GIT1: variants seen among roughly 807,000 people sequenced by gnomAD.
The protein encoded by GIT1 is GIT ArfGAP 1, also known as ARF GTPase-activating protein GIT1.
A neutral mutation model predicts 91.7 loss-of-function variants in GIT1; 14 were observed. That is an observed-to-expected ratio of 0.15 (90% CI 0.10 to 0.24). The LOEUF (loss-of-function observed/expected upper bound fraction) is 0.24, where lower values mean the gene tolerates loss of function less well. Ranked by LOEUF, GIT1 falls within the 10% of genes least tolerant of loss-of-function variation. The pLI, the probability that GIT1 is intolerant of heterozygous loss-of-function variation, is 1.00. For missense variants in GIT1, 717 were observed against 1,024.9 expected, an observed-to-expected ratio of 0.70 and a Z score of 4.10; for synonymous variants, 414 against 418.2, an observed-to-expected ratio of 0.99 and a Z score of 0.12.
Position 29,576,904 on chromosome 17 carries a change from G to C in GIT1, c.1186C>G (p.Pro396Ala), listed in dbSNP as rs767530609. The C allele has an allele frequency of 1.9e-6, 3 of 1,578,732 alleles. No homozygotes were observed. In the South Asian group the frequency reaches 3.4e-5, roughly 18 times the overall value. Residue 396 changes from proline (P) to alanine (A), a missense_variant, in exon 12 of 20, where the codon CCC (proline) becomes GCC (alanine). Transcript: ENST00000225394. Reference protein sequence around the residue: ...VASDEDTDQEPLRSTGATRSN... With the variant: ...VASDEDTDQEALRSTGATRSN... ...CGAGTGGCGCCGGTGCTGCGCAGGG[G>C]CTCCTGGTCTGTGTCCTCGTCAGAG...
In GIT1 at chr17:29,574,284, G is replaced by A. The variant is rs1354962056; in HGVS notation, c.*418C>T. On this transcript the variant is annotated 3_prime_UTR_variant, in exon 20 of 20. Transcript: ENST00000225394. ...GACATCCATGGAGACTATGTACAAA[G>A]GAGGGGATGCCCCCGCTCAGCCCCC... 2 of 229,534 alleles carry A rather than the reference G, an allele frequency of 8.7e-6. No individual in the cohort carries two copies. The highest frequency in any genetic ancestry group is 1.7e-5 in the Non-Finnish European group (2 of 114,344). The allele number at this position is 229,534 out of a possible 1,614,324, so 14.2% of individuals were successfully genotyped here. A position where few individuals can be genotyped will look rare whatever the true frequency, so the allele number is the denominator to read the frequency against.
In GIT1 at chr17:29,575,882, G is replaced by C; in HGVS notation, c.1682C>G (p.Ser561Cys). 6.2e-7 allele frequency: 1 copy of C among 1,609,866 alleles called. No individual in the cohort carries two copies. ...AGLYRIRKGVSASAVPFTPSS... is the reference protein window; with the variant it reads ...AGLYRIRKGVCASAVPFTPSS... ...GGGAGTGAAGGGCACAGCTGAGGCAGACACCCCTTTCCGGATCTGAAACCC... is the reference window on the plus strand; with the variant it reads ...GGGAGTGAAGGGCACAGCTGAGGCACACACCCCTTTCCGGATCTGAAACCC... The change falls in exon 16 of 20, where the codon TCT (serine) becomes TGT (cysteine). Residue 561 changes from serine to cysteine, a missense_variant. Coordinates refer to ENST00000225394, the MANE Select transcript of GIT1 (RefSeq NM_014030.4). The surrounding 1 kb of genome is among the most constrained non-coding windows in gnomAD (Gnocchi z 5.5).
Position 29,581,501 on chromosome 17 carries a change from G to T in GIT1, c.719-121C>A. On this transcript the variant is annotated intron_variant, in intron 6 of 19. Transcript: ENST00000225394. The surrounding 1 kb of genome is among the most constrained non-coding windows in gnomAD (Gnocchi z 4.8). ...GAAGTGTCAGGGGAAAGTGGGGAGG[G>T]CAGGCCACCCCCAAGAATGCTGGGA... is the stretch of plus-strand genomic sequence containing the variant. The T allele has an allele frequency of 1.2e-6, 1 of 837,914 alleles. No individual in the cohort carries two copies. Among genetic ancestry groups the T allele is most frequent in the Non-Finnish European group, 2.0e-6 (1 of 494,280 alleles). 51.9% of individuals were successfully genotyped at this position (837,914 alleles called of 1,614,324 possible). A position where few individuals can be genotyped will look rare whatever the true frequency, so the allele number is the denominator to read the frequency against.
intron 1 of GIT1, among the ~76,000 whole-genome samples, chr17:29,585,251 G>A (rs1202099835): frequency 6.6e-6 from 1 of 152,138 alleles, no homozygotes; most frequent in Non-Finnish European, 1.5e-5. Flanking sequence ...CACTGGGTCA[G>A]GGGGCTGCCA....
chr17:29,584,959 CTTTTTTTTTTT>C (rs11419578), intron 1 of GIT1, among the ~76,000 whole-genome samples: 4 of 102,416 alleles, frequency 3.9e-5, no homozygotes, highest in African/African-American at 1.5e-4. Flanking sequence ...TGGGTTTAGG[CTTTTTTTTTTT>C]TTTTTTTTTT....
At position 29,582,563 on chromosome 17, in the gene GIT1, C is replaced by A. The variant is rs1475712876; in HGVS notation, c.405+135G>T. The A allele has an allele frequency of 6.1e-6, 4 of 654,708 alleles. No homozygotes were observed. The African/African-American group carries it at 7.2e-5, about 12-fold the overall frequency. 40.6% of individuals were successfully genotyped at this position (654,708 alleles called of 1,614,324 possible). ...GCCTGACCCAACAATCTGCTCTCTC[C>A]ACCCTGTCTACTGTTACCCTGACCT... On this transcript the variant is annotated intron_variant, in intron 4 of 19. Coordinates refer to ENST00000225394, the MANE Select transcript of GIT1 (RefSeq NM_014030.4).
chr17:29,581,660 C>A lies in GIT1; in HGVS notation c.718+82G>T. 9.3e-7 allele frequency: 1 copy of A among 1,076,920 alleles called. No individual in the cohort carries two copies. The highest frequency in any genetic ancestry group is 1.4e-6 in the Non-Finnish European group (1 of 712,758). 66.7% of individuals were successfully genotyped at this position (1,076,920 alleles called of 1,614,324 possible). On this transcript the variant is annotated intron_variant, in intron 6 of 19. Coordinates refer to ENST00000225394, the MANE Select transcript of GIT1 (RefSeq NM_014030.4). The surrounding 1 kb of genome is among the most constrained non-coding windows in gnomAD (Gnocchi z 4.8). ...CCCAGCCGCTCTGTCACCATGGCAC[C>A]TGCTGCCGGGTGCGTCCAGGTCCCA...
Position 29,576,150 on chromosome 17 carries a change from C to G in GIT1, c.1612-19G>C. On this transcript the variant is annotated intron_variant, in intron 14 of 19. Coordinates refer to ENST00000225394, the MANE Select transcript of GIT1 (RefSeq NM_014030.4). Reference sequence around the variant, plus strand: ...CTAGCTCCTGGGGATGTTAGCACAGCGAGCGTCATGGTGGACCCTGCGGCA... The same window carrying G: ...CTAGCTCCTGGGGATGTTAGCACAGGGAGCGTCATGGTGGACCCTGCGGCA... The G allele has an allele frequency of 6.2e-7, 1 of 1,613,336 alleles. No individual in the cohort carries two copies.
chr17:29,578,954 C>T (rs377199209), intron 7 of GIT1, 175 bp from the exon 8 acceptor site: 1 of 1,613,596 alleles, frequency 6.2e-7, no homozygotes, highest in Non-Finnish European at 8.5e-7. Flanking sequence ...CCGGCAGGCA[C>T]CATATACCTC....
rs1397234517 is a variant in GIT1, at chr17:29,588,813, G to A, written c.52+514C>T. On this transcript the variant is annotated intron_variant, in intron 1 of 19. Transcript: ENST00000225394. ...GAGTAGCCACCGCTCATCTGCTCCT[G>A]AGGAGACGGTATTCAGGCCCCACTG... is the stretch of plus-strand genomic sequence containing the variant. 2.0e-5 allele frequency among the ~76,000 whole-genome samples: 3 copies of A among 152,344 alleles called. No homozygotes were observed. In the East Asian group the frequency reaches 5.8e-4, roughly 29 times the overall value.
At chr17:29,579,722 C>T (rs2033333716) in intron 7 of GIT1, among the ~76,000 whole-genome samples, 1 of 150,238 alleles carries the variant, frequency 6.7e-6, no homozygotes, top group African/African-American at 2.4e-5. Flanking sequence ...GACCCCAACT[C>T]TTAAAAAAAA....
At position 29,576,981 on chromosome 17, in the gene GIT1, G is replaced by A; in HGVS notation, c.1109C>T (p.Ser370Phe). The change falls in exon 12 of 20, where the codon TCT (serine) becomes TTT (phenylalanine). Residue 370 changes from serine to phenylalanine, a missense_variant. Around this residue, in one of 3 missense-constraint regions of GIT1, gnomAD observed 312 missense variants for 349.5 expected, o/e 0.89. Coordinates refer to ENST00000225394, the MANE Select transcript of GIT1 (RefSeq NM_014030.4). ...GTCGAGGTCACTCTGGCTCCGCAGA[G>A]ACAGCTCGAGGTTGTCTGAGGACAC... ...LSSPTDNLELSLRSQSDLDDQ... is the reference protein window; with the variant it reads ...LSSPTDNLELFLRSQSDLDDQ... 6.2e-7 allele frequency: 1 copy of A among 1,602,972 alleles called. No individual in the cohort carries two copies. Among genetic ancestry groups the A allele is most frequent in the Non-Finnish European group, 8.5e-7 (1 of 1,179,680 alleles).
At chr17:29,578,673 G>C (rs1297317921) in intron 8 of GIT1, 58 bp downstream of exon 8, 1 of 1,421,368 alleles carries the variant, frequency 7.0e-7, no homozygotes, top group Non-Finnish European at 1.0e-6. Context: ...AGAGCAGAGG[G>C]TGGGGGATCA....
chr17:29,589,463 G>C lies in GIT1; in HGVS notation c.-85C>G. On this transcript the variant is annotated 5_prime_UTR_variant, in exon 1 of 20. Coordinates refer to ENST00000225394, the MANE Select transcript of GIT1 (RefSeq NM_014030.4). This position sits in a 1 kb window ranked among gnomAD's most constrained non-coding sequence, Gnocchi z 5.2. ...CCGGGCGGCGGCGGCGGCCCCTGCT[G>C]CCCGGCCCGGCTCCGGCGAGGCCCC... 1 of 435,038 alleles carries C rather than the reference G, an allele frequency of 2.3e-6. No homozygotes were observed. Among genetic ancestry groups the C allele is most frequent in the Non-Finnish European group, 3.0e-6 (1 of 329,254 alleles). 26.9% of individuals were successfully genotyped at this position (435,038 alleles called of 1,614,324 possible).
chr17:29,586,233 C>T (rs2150853696), intron 1 of GIT1, among the ~76,000 whole-genome samples: 1 of 152,310 alleles, frequency 6.6e-6, no homozygotes, highest in South Asian at 2.1e-4. Context: ...CATATGCGGC[C>T]CAGGCAGCTT....
In GIT1 at chr17:29,575,575, A is replaced by C. The variant is rs938309670; in HGVS notation, c.1826+55T>G. The C allele has an allele frequency of 8.2e-6, 13 of 1,582,204 alleles. No homozygotes were observed. Among genetic ancestry groups the C allele is most frequent in the African/African-American group, 1.3e-5 (1 of 74,288 alleles). ...GTCCTCACACACTGGGGGCCCTCTC[A>C]ACCTCCCCGCCTCGGCATGTGAGCA... is the stretch of plus-strand genomic sequence containing the variant. On this transcript the variant is annotated intron_variant, in intron 17 of 19. Transcript: ENST00000225394. The surrounding 1 kb of genome is among the most constrained non-coding windows in gnomAD (Gnocchi z 5.5).
Position 29,574,644 on chromosome 17 carries a change from G to T in GIT1, c.*58C>A. 3 of 1,345,086 alleles carry T rather than the reference G, an allele frequency of 2.2e-6. No individual in the cohort carries two copies. Among genetic ancestry groups the T allele is most frequent in the Non-Finnish European group, 3.2e-6 (3 of 939,528 alleles). 83.3% of individuals were successfully genotyped at this position (1,345,086 alleles called of 1,614,324 possible). A position where few individuals can be genotyped will look rare whatever the true frequency, so the allele number is the denominator to read the frequency against. On this transcript the variant is annotated 3_prime_UTR_variant, in exon 20 of 20. Coordinates refer to ENST00000225394, the MANE Select transcript of GIT1 (RefSeq NM_014030.4). Reference sequence around the variant, plus strand: ...GGGGTGGGGATTAATGTCTGGAGTGGCCCAGCTCCTATGGCCAGTGAGGTC... The same window carrying T: ...GGGGTGGGGATTAATGTCTGGAGTGTCCCAGCTCCTATGGCCAGTGAGGTC...
At chr17:29,580,057 A>G (rs1187528182) in intron 7 of GIT1, among the ~76,000 whole-genome samples, 1 of 151,478 alleles carries the variant, frequency 6.6e-6, no homozygotes, top group Non-Finnish European at 1.5e-5. Flanking sequence ...CAGCATTTCT[A>G]CCCTCCATGC....
rs753606113 is a variant in GIT1, at chr17:29,575,522, C to T, written c.1827-52G>A. ...ACAAAGATACATATAGAGAAAGACA[C>T]GTTCCAGCCTCGGAGCCGCCCGCCT... On this transcript the variant is annotated intron_variant, in intron 17 of 19. Coordinates refer to ENST00000225394, the MANE Select transcript of GIT1 (RefSeq NM_014030.4). This position sits in a 1 kb window ranked among gnomAD's most constrained non-coding sequence, Gnocchi z 5.5. 13 of 1,569,366 alleles carry T rather than the reference C, an allele frequency of 8.3e-6. No homozygotes were observed. Among genetic ancestry groups the T allele is most frequent in the African/African-American group, 2.7e-5 (2 of 73,588 alleles).
Sources: gnomAD v4.1 joint callset for allele counts (sites outside exome capture counted in the v4.1 genomes callset) on GRCh38, gnomAD v4.1.1 for gene constraint, gnomAD v4.1.1 regional missense constraint, Gnocchi (gnomAD v3.1) non-coding constraint, MANE v1.5 for transcripts, NCBI Gene and HGNC (gene_info 2026-07-23, HGNC 2026-07-21) for gene names.